The following NR2F1-AS1 variants were observed in gnomAD, a reference collection of about 807,000 sequenced individuals.
NR2F1-AS1 encodes the protein NR2F1 regulatory antisense RNA 1.
chr5:93,520,263 T>C (rs751312796), intron 4 of NR2F1-AS1, among the ~76,000 whole-genome samples: 1 of 152,064 alleles, frequency 6.6e-6, no homozygotes, highest in East Asian at 1.9e-4. Flanking sequence ...TGGAAATATA[T>C]TTGTTTTGGT....
At chr5:93,499,478 G>A (rs1436849687) in intron 4 of NR2F1-AS1, among the ~76,000 whole-genome samples, 2 of 152,108 alleles carry the variant, frequency 1.3e-5, no homozygotes, top group African/African-American at 4.8e-5. Context: ...TCTGTGATCA[G>A]TGATCTTTGA....
chr5:93,460,984 TATATACCCAAAGGA>T (rs1257161017), intron 4 of NR2F1-AS1, among the ~76,000 whole-genome samples: 2 of 152,324 alleles, frequency 1.3e-5, no homozygotes, highest in East Asian at 3.9e-4. Context: ...CATTACTGGG[TATATACCCAAAGGA>T]ATATAAAGCA....
chr5:93,478,862 A>C (rs1750542520), intron 4 of NR2F1-AS1, among the ~76,000 whole-genome samples: 1 of 152,128 alleles, frequency 6.6e-6, no homozygotes. Flanking sequence ...TGTTCCTCCC[A>C]TTCAATTACC....
intron 4 of NR2F1-AS1, among the ~76,000 whole-genome samples, chr5:93,472,353 T>C (rs1282581341): frequency 2.0e-5 from 3 of 151,866 alleles, no homozygotes; most frequent in Non-Finnish European, 3.0e-5. Context: ...AGACAAATGT[T>C]TTAATTAATG....
intron 4 of NR2F1-AS1, among the ~76,000 whole-genome samples, chr5:93,507,059 T>C (rs1766548741): frequency 6.6e-6 from 1 of 152,128 alleles, no homozygotes. Context: ...TTGCTAAATT[T>C]AGTAATGTAA....
intron 1 of NR2F1-AS1, among the ~76,000 whole-genome samples, chr5:93,576,389 A>G (rs1052288630): frequency 8.6e-5 from 13 of 151,030 alleles, no homozygotes; most frequent in African/African-American, 2.9e-4. Flanking sequence ...ATAATTGTTT[A>G]CTGTTCTATT....
At chr5:93,427,922 G>A (rs73772355) in intron 4 of NR2F1-AS1, among the ~76,000 whole-genome samples, 1 of 131,242 alleles carries the variant, frequency 7.6e-6, no homozygotes, top group African/African-American at 3.5e-5. Context: ...GAGAGAAAGA[G>A]AGAGAGAGAG....
chr5:93,557,766 G>A (rs77179265), intron 2 of NR2F1-AS1, among the ~76,000 whole-genome samples: 2,147 of 152,218 alleles, frequency 0.014, 30 homozygotes, highest in Non-Finnish European at 0.023. Flanking sequence ...TTCCTTTAAT[G>A]AAAGATTTCT....
intron 2 of NR2F1-AS1, among the ~76,000 whole-genome samples, chr5:93,556,985 T>A (rs991405622): frequency 6.6e-6 from 1 of 152,208 alleles, no homozygotes; most frequent in Admixed American, 6.5e-5. Context: ...CAAAAAAATA[T>A]CTTGCTATTC....
At chr5:93,444,088 G>A (rs1749636155) in intron 4 of NR2F1-AS1, among the ~76,000 whole-genome samples, 2 of 152,218 alleles carry the variant, frequency 1.3e-5, no homozygotes, top group South Asian at 4.1e-4. Context: ...ACCAGCCACT[G>A]CAAAAACATG....
At chr5:93,509,573 C>T (rs1395564061) in intron 4 of NR2F1-AS1, among the ~76,000 whole-genome samples, 1 of 151,954 alleles carries the variant, frequency 6.6e-6, no homozygotes, top group Admixed American at 6.6e-5. Context: ...GTGGTTATCT[C>T]TGGAGAAGTA....
chr5:93,499,634 T>C (rs1751037371), intron 4 of NR2F1-AS1, among the ~76,000 whole-genome samples: 1 of 152,108 alleles, frequency 6.6e-6, no homozygotes, highest in African/African-American at 2.4e-5. Flanking sequence ...ACACAACATA[T>C]TGAAATTGGG....
intron 4 of NR2F1-AS1, among the ~76,000 whole-genome samples, chr5:93,494,802 T>C (rs1309958610): frequency 6.6e-6 from 1 of 152,212 alleles, no homozygotes; most frequent in Non-Finnish European, 1.5e-5. Flanking sequence ...TGAATGTTTA[T>C]AGCAGTATTA....
chr5:93,440,235 CAG>C (rs1173079949), intron 4 of NR2F1-AS1, among the ~76,000 whole-genome samples: 10 of 151,690 alleles, frequency 6.6e-5, no homozygotes, highest in African/African-American at 2.4e-4. Flanking sequence ...CACACACACA[CAG>C]AGAAAGTTAA....
At chr5:93,445,923 C>CA (rs1326829243) in intron 4 of NR2F1-AS1, among the ~76,000 whole-genome samples, 1 of 152,162 alleles carries the variant, frequency 6.6e-6, no homozygotes, top group Non-Finnish European at 1.5e-5. Context: ...TGTAATCCAT[C>CA]ATATAAACAG....
chr5:93,434,739 T>G (rs1269737674), intron 4 of NR2F1-AS1, among the ~76,000 whole-genome samples: 1 of 152,236 alleles, frequency 6.6e-6, no homozygotes, highest in African/African-American at 2.4e-5. Context: ...GAATCATCCT[T>G]TCATTGTCTT....
At chr5:93,509,205 TAA>T (rs1319613351) in intron 4 of NR2F1-AS1, among the ~76,000 whole-genome samples, 1 of 151,934 alleles carries the variant, frequency 6.6e-6, no homozygotes, top group South Asian at 2.1e-4. Context: ...GAATGCTGAG[TAA>T]AAAAACAAGC....
chr5:93,515,077 C>A (rs1751374227), intron 4 of NR2F1-AS1, among the ~76,000 whole-genome samples: 1 of 151,826 alleles, frequency 6.6e-6, no homozygotes, highest in African/African-American at 2.4e-5. Flanking sequence ...GTCATATTTT[C>A]CTACTTTTCA....
In NR2F1-AS1 at chr5:93,469,165, T is replaced by C. The variant is rs1002219197; in HGVS notation, n.639-73623A>G. 8.5e-5 allele frequency among the ~76,000 whole-genome samples: 13 copies of C among 152,144 alleles called. 1 individual carries two copies. Among genetic ancestry groups the C allele is most frequent in the Non-Finnish European group, 2.9e-5 (2 of 67,996 alleles). The stretch of plus-strand genomic sequence containing the variant: ...GGGATATGTATTGAGAAATGTATCA[T>C]TAGGTGGTTTCGTCATTGTGTGACC... On this transcript the variant is annotated intron_variant and non_coding_transcript_variant, in intron 4 of 5. Transcript: ENST00000660523.
Sources: allele counts gnomAD v4.1 joint callset (sites outside exome capture counted in the v4.1 genomes callset), GRCh38; gene constraint gnomAD v4.1.1; transcripts MANE v1.5; gene names NCBI Gene and HGNC (gene_info 2026-07-23, HGNC 2026-07-21).